The following PIP5K1B variants were observed in gnomAD, a reference collection of about 807,000 sequenced individuals.
PIP5K1B encodes the protein phosphatidylinositol-4-phosphate 5-kinase type 1 beta.
A neutral mutation model predicts 67.0 loss-of-function variants in PIP5K1B; 42 were observed. The ratio of observed to expected loss-of-function variants is 0.63; its 90% CI spans 0.49 to 0.81. The LOEUF (loss-of-function observed/expected upper bound fraction) is 0.81, where lower values mean the gene tolerates loss of function less well. PIP5K1B is among the 30% of genes least tolerant of loss of function. The probability of loss-of-function intolerance (pLI) is 0.00; values close to 1 mark genes in which losing one functional copy is unlikely to be tolerated. For synonymous variants in PIP5K1B, 214 were observed against 231.4 expected (o/e 0.92, Z 0.68); for missense variants, 459 against 646.3 (o/e 0.71, Z 3.14).
At chr9:68,757,229 G>A (rs1017465891) in intron 2 of PIP5K1B, among the ~76,000 whole-genome samples, 1 of 152,152 alleles carries the variant, frequency 6.6e-6, no homozygotes, top group African/African-American at 2.4e-5. Context: ...GCTGCATGTG[G>A]CTAGTAGCTA....
chr9:68,769,827 G>A (rs147940869), intron 2 of PIP5K1B, among the ~76,000 whole-genome samples: 9 of 152,238 alleles, frequency 5.9e-5, no homozygotes, highest in South Asian at 2.1e-4. Flanking sequence ...CTTTCCTCTC[G>A]TTCTTCATGA....
intron 6 of PIP5K1B, among the ~76,000 whole-genome samples, chr9:68,883,235 C>T (rs1824288348): frequency 6.6e-6 from 1 of 152,166 alleles, no homozygotes; most frequent in Non-Finnish European, 1.5e-5. Flanking sequence ...ATCGCTCTTC[C>T]ACAAGGACAC....
intron 4 of PIP5K1B, among the ~76,000 whole-genome samples, chr9:68,842,842 T>A (rs938827981): frequency 6.6e-6 from 1 of 152,252 alleles, no homozygotes; most frequent in Non-Finnish European, 1.5e-5. Flanking sequence ...AATTTATGAC[T>A]TATCTGATAC....
chr9:68,871,782 A>G (rs1402168818), intron 5 of PIP5K1B, among the ~76,000 whole-genome samples: 1 of 152,208 alleles, frequency 6.6e-6, no homozygotes, highest in Non-Finnish European at 1.5e-5. Context: ...TTGGATTCCA[A>G]ACTTTTGTTG....
chr9:68,726,034 A>G (rs1484601943), intron 1 of PIP5K1B, among the ~76,000 whole-genome samples: 1 of 152,206 alleles, frequency 6.6e-6, no homozygotes, highest in Non-Finnish European at 1.5e-5. Context: ...CACCTATGGA[A>G]TCTTTCAGTT....
chr9:68,969,091 G>A (rs1048394541), intron 14 of PIP5K1B, among the ~76,000 whole-genome samples: 6 of 152,034 alleles, frequency 3.9e-5, no homozygotes, highest in Admixed American at 6.6e-5. Context: ...AAATGAGGCC[G>A]GGCGCGGTGG....
At chr9:68,879,591 T>A (rs1473113364) in intron 6 of PIP5K1B, among the ~76,000 whole-genome samples, 1 of 151,438 alleles carries the variant, frequency 6.6e-6, no homozygotes, top group African/African-American at 2.4e-5. Flanking sequence ...TAAAAATAAA[T>A]AAAAAACAAA....
At position 68,818,485 on chromosome 9, in the gene PIP5K1B, G is replaced by A. The variant is rs1833564323; in HGVS notation, c.-61G>A. 6.6e-6 allele frequency: 1 copy of A among 152,502 alleles called. No individual in the cohort carries two copies. The highest frequency in any genetic ancestry group is 1.5e-5 in the Non-Finnish European group (1 of 68,016). The allele number at this position is 152,502 out of a possible 1,614,324, so 9.4% of individuals were successfully genotyped here. ...GAAACCTGGCAAAGAAAACGGTCTC[G>A]ACAATGAGTAGGCCACCCATCACTA... On this transcript the variant is annotated 5_prime_UTR_variant, in exon 3 of 16. Transcript: ENST00000265382.
intron 4 of PIP5K1B, among the ~76,000 whole-genome samples, chr9:68,834,594 T>G (rs1834499525): frequency 6.6e-6 from 1 of 152,174 alleles, no homozygotes. Context: ...TTCTTCTTAA[T>G]TCTAAGATTG....
intron 1 of PIP5K1B, chr9:68,706,303 G>C (rs186883044): frequency 6.6e-6 from 1 of 152,394 alleles, no homozygotes; most frequent in African/African-American, 2.4e-5. Flanking sequence ...TCAACGTGAC[G>C]CTTCAACATC....
intron 2 of PIP5K1B, among the ~76,000 whole-genome samples, chr9:68,768,902 C>T (rs1056272391): frequency 6.6e-6 from 1 of 152,164 alleles, no homozygotes; most frequent in African/African-American, 2.4e-5. Flanking sequence ...ATAGAAACCC[C>T]TGGTGCTAAT....
chr9:68,825,257 C>A (rs1319677621), intron 4 of PIP5K1B, among the ~76,000 whole-genome samples: 1 of 152,138 alleles, frequency 6.6e-6, no homozygotes, highest in Non-Finnish European at 1.5e-5. Context: ...TCGCTAGTCT[C>A]CTTTCAGACA....
intron 1 of PIP5K1B, among the ~76,000 whole-genome samples, chr9:68,727,860 C>G (rs1237629570): frequency 1.3e-5 from 2 of 152,136 alleles, no homozygotes; most frequent in Non-Finnish European, 2.9e-5. Flanking sequence ...GCTCCTTCAT[C>G]CTAATTAAAC....
At chr9:68,954,592 A>G (rs150629036) in intron 14 of PIP5K1B, among the ~76,000 whole-genome samples, 192 of 152,332 alleles carry the variant, frequency 1.3e-3, no homozygotes, top group African/African-American at 4.5e-3. Flanking sequence ...GCTATTTTTC[A>G]AAGAGTTCTT....
intron 1 of PIP5K1B, among the ~76,000 whole-genome samples, chr9:68,735,972 C>T (rs1016413131): frequency 4.6e-5 from 7 of 152,156 alleles, no homozygotes; most frequent in African/African-American, 1.7e-4. Context: ...CAGGTTGGTC[C>T]ATGAGCCTGG....
chr9:68,866,413 G>T (rs1260396617), intron 5 of PIP5K1B, among the ~76,000 whole-genome samples: 1 of 151,958 alleles, frequency 6.6e-6, no homozygotes, highest in African/African-American at 2.4e-5. Context: ...ACGTGTGTGT[G>T]TGTGTATACA....
At chr9:68,915,309 G>C (rs1007066560) in intron 8 of PIP5K1B, among the ~76,000 whole-genome samples, 11 of 152,026 alleles carry the variant, frequency 7.2e-5, no homozygotes, top group Admixed American at 5.9e-4. Context: ...TCATTGTGAA[G>C]AGTTGTTGAA....
intron 14 of PIP5K1B, among the ~76,000 whole-genome samples, chr9:68,988,502 T>C (rs1257572112): frequency 7.1e-6 from 1 of 140,056 alleles, no homozygotes; most frequent in Non-Finnish European, 1.5e-5. Context: ...CAGTCTGGAG[T>C]GCAGTGGTGC....
At chr9:68,814,111 C>T (rs1224556470) in intron 2 of PIP5K1B, among the ~76,000 whole-genome samples, 1 of 152,116 alleles carries the variant, frequency 6.6e-6, no homozygotes, top group East Asian at 1.9e-4. Context: ...GAGGTGACTG[C>T]CCCAGGAAGG....
Sources: gnomAD v4.1 joint callset for allele counts (sites outside exome capture counted in the v4.1 genomes callset) on GRCh38, gnomAD v4.1.1 for gene constraint, MANE v1.5 for transcripts, NCBI Gene and HGNC (gene_info 2026-07-23, HGNC 2026-07-21) for gene names.